Variants in FAM117A observed in about 807,000 individuals in gnomAD.
FAM117A encodes the protein protein FAM117A.
FAM117A carries 21 observed loss-of-function variants against 44.1 expected under a neutral mutation model. That is an observed-to-expected ratio of 0.48 (90% CI 0.34 to 0.69). FAM117A has a LOEUF of 0.69. FAM117A is among the 30% of genes least tolerant of loss of function. The pLI, the probability that FAM117A is intolerant of heterozygous loss-of-function variation, is 0.01. For missense variants in FAM117A, 498 were observed against 589.9 expected (o/e 0.84, Z 1.61); for synonymous variants, 220 against 238.3 (o/e 0.92, Z 0.71).
At chr17:49,770,040 G>A (rs879552297) in intron 1 of FAM117A, among the ~76,000 whole-genome samples, 1 of 152,002 alleles carries the variant, frequency 6.6e-6, no homozygotes, top group Non-Finnish European at 1.5e-5. Context: ...GGGAGGCCAA[G>A]GTGGGCAGAT....
chr17:49,757,199 C>G (rs550314851), intron 1 of FAM117A, among the ~76,000 whole-genome samples: 15 of 152,166 alleles, frequency 9.9e-5, no homozygotes, highest in African/African-American at 2.4e-4. Flanking sequence ...CCTCCACCCC[C>G]CCAGCAACTC....
Position 49,716,314 on chromosome 17 carries a change from G to A in FAM117A, c.912C>T (p.Ala304=), listed in dbSNP as rs1396483301. The change falls in exon 7 of 8, where the codon GCC becomes GCT. Residue 304 remains alanine, a splice_region_variant and synonymous_variant. Transcript: ENST00000240364. ...EELASTPNDK[A]SSPGHPAFLE... ...GAAAGGCTGGGTGTCCTGGAGAGGAGGCTGTGAACAGAGCAAGGCTAAGTC... is the reference window on the plus strand; with the variant it reads ...GAAAGGCTGGGTGTCCTGGAGAGGAAGCTGTGAACAGAGCAAGGCTAAGTC... 2 of 1,583,538 alleles carry A rather than the reference G, an allele frequency of 1.3e-6. No individual in the cohort carries two copies. Among genetic ancestry groups the A allele is most frequent in the Non-Finnish European group, 1.7e-6 (2 of 1,164,782 alleles).
In FAM117A at chr17:49,710,630, A is replaced by G. The variant is rs2073472674; in HGVS notation, c.*625T>C. 1 of 150,928 alleles carries G rather than the reference A, an allele frequency of 6.6e-6. No homozygotes were observed. Among genetic ancestry groups the G allele is most frequent in the African/African-American group, 2.4e-5 (1 of 41,054 alleles). 9.3% of individuals were successfully genotyped at this position (150,928 alleles called of 1,614,324 possible). A position where few individuals can be genotyped will look rare whatever the true frequency, so the allele number is the denominator to read the frequency against. Reference sequence around the variant, plus strand: ...AGGAATGCCAGCTCTCCTCCCCACTACCCACCTGGGGCTGGGCGGGCTGGG... The same window carrying G: ...AGGAATGCCAGCTCTCCTCCCCACTGCCCACCTGGGGCTGGGCGGGCTGGG... On this transcript the variant is annotated 3_prime_UTR_variant, in exon 8 of 8. Transcript: ENST00000240364.
chr17:49,788,704 G>A (rs1001521665), upstream of FAM117A: 15 of 981,852 alleles, frequency 1.5e-5, no homozygotes, highest in African/African-American at 6.8e-5. Context: ...GACGCTGAGA[G>A]GCAGGAGGCA....
intron 1 of FAM117A, among the ~76,000 whole-genome samples, chr17:49,739,907 C>T (rs532187157): frequency 6.6e-6 from 1 of 152,334 alleles, no homozygotes; most frequent in East Asian, 1.9e-4. Context: ...TGGTGAAGCA[C>T]CCTGGCACCA....
intron 1 of FAM117A, among the ~76,000 whole-genome samples, chr17:49,746,164 C>T (rs1225921523): frequency 1.3e-5 from 2 of 152,092 alleles, no homozygotes; most frequent in African/African-American, 4.8e-5. Flanking sequence ...TCTAGACACA[C>T]ATATACATAA....
At chr17:49,763,657 C>T (rs1403346100) in intron 1 of FAM117A, among the ~76,000 whole-genome samples, 1 of 151,962 alleles carries the variant, frequency 6.6e-6, no homozygotes, top group African/African-American at 2.4e-5. Flanking sequence ...CTGCCAGGTC[C>T]CTCCCCTCAC....
At position 49,720,782 on chromosome 17, in the gene FAM117A, C is replaced by T. The variant is rs558527048; in HGVS notation, c.463-346G>A. On this transcript the variant is annotated intron_variant, in intron 3 of 7. Transcript: ENST00000240364. ...TCACCCAGGCTGGAGTGCAATGGTG[C>T]GATCTCGGCTCACTGCAACCTCCAC... is the stretch of plus-strand genomic sequence containing the variant. Among the ~76,000 whole-genome samples the T allele has an allele frequency of 3.3e-5, 5 of 151,942 alleles. No homozygotes were observed. The South Asian group carries it at 6.2e-4, about 19-fold the overall frequency.
intron 1 of FAM117A, among the ~76,000 whole-genome samples, chr17:49,744,309 T>G (rs2073645890): frequency 6.6e-6 from 1 of 152,182 alleles, no homozygotes; most frequent in African/African-American, 2.4e-5. Flanking sequence ...ATTCAGGTTT[T>G]TGCTCTGTTG....
At chr17:49,764,391 A>C (rs2073737805), upstream of FAM117A, among the ~76,000 whole-genome samples, 1 of 152,174 alleles carries the variant, frequency 6.6e-6, no homozygotes, top group Admixed American at 6.5e-5. Context: ...CTGGTTCTCC[A>C]GCGCCACCAA....
intron 1 of FAM117A, among the ~76,000 whole-genome samples, chr17:49,779,491 G>A (rs1231640629): frequency 1.3e-5 from 2 of 152,246 alleles, no homozygotes; most frequent in East Asian, 1.9e-4. Flanking sequence ...AGGGTGGAGG[G>A]TGGGTGGAGT....
intron 1 of FAM117A, among the ~76,000 whole-genome samples, chr17:49,787,350 A>G (rs1225687985): frequency 1.3e-5 from 2 of 152,204 alleles, no homozygotes; most frequent in African/African-American, 4.8e-5. Context: ...GTTCAACCTA[A>G]GTAGGTTATC....
intron 6 of FAM117A, 75 bp downstream of exon 6, chr17:49,717,438 C>G (rs1445143972): frequency 6.8e-6 from 9 of 1,323,818 alleles, no homozygotes; most frequent in Non-Finnish European, 9.6e-6. Flanking sequence ...CCTGAATTGA[C>G]TAGAGGTGGA....
chr17:49,764,019 C>G lies in FAM117A; in HGVS notation c.69G>C (p.Gly23=). 1 of 1,191,974 alleles carries G rather than the reference C, an allele frequency of 8.4e-7. No individual in the cohort carries two copies. The highest frequency in any genetic ancestry group is 1.0e-6 in the Non-Finnish European group (1 of 954,860). 73.8% of individuals were successfully genotyped at this position (1,191,974 alleles called of 1,614,324 possible). A position where few individuals can be genotyped will look rare whatever the true frequency, so the allele number is the denominator to read the frequency against. ...AWGPGRGGAG[G]LRRGCSPPAP... ...CTGGGGGAGAGCAGCCCCGCCGGAG[C>G]CCCCCGGCCCCTCCGCGCCCCGGCC... Residue 23 remains glycine, a synonymous_variant, in exon 1 of 8, where the codon GGG becomes GGC. Transcript: ENST00000240364.
intron 1 of FAM117A, among the ~76,000 whole-genome samples, chr17:49,745,684 T>C (rs968988194): frequency 3.9e-5 from 6 of 152,186 alleles, no homozygotes; most frequent in Admixed American, 6.5e-5. Context: ...AGGAGCAAGT[T>C]AGATACCACC....
At chr17:49,765,024 A>G (rs986746588), upstream of FAM117A, among the ~76,000 whole-genome samples, 3 of 152,228 alleles carry the variant, frequency 2.0e-5, no homozygotes, top group African/African-American at 4.8e-5. Context: ...TTCCAAGATC[A>G]ATGCTCTCTG....
intron 1 of FAM117A, among the ~76,000 whole-genome samples, chr17:49,779,318 AAGG>A (rs944587239): frequency 6.6e-6 from 1 of 152,348 alleles, no homozygotes; most frequent in East Asian, 1.9e-4. Flanking sequence ...AGTTGTCTGG[AAGG>A]AGAACAGTCA....
intron 3 of FAM117A, 33 bp from the exon 4 acceptor site, chr17:49,720,469 A>T: frequency 6.3e-7 from 1 of 1,591,682 alleles, no homozygotes; most frequent in Non-Finnish European, 8.6e-7. Flanking sequence ...ACAGAGGCAG[A>T]TTAAGGAAAG....
chr17:49,755,725 G>A (rs536908331), intron 1 of FAM117A, among the ~76,000 whole-genome samples: 5 of 152,256 alleles, frequency 3.3e-5, no homozygotes, highest in South Asian at 4.1e-4. Context: ...CTAACACTTC[G>A]GGGGGTTTTG....
Sources: allele counts gnomAD v4.1 joint callset (sites outside exome capture counted in the v4.1 genomes callset), GRCh38; gene constraint gnomAD v4.1.1; transcripts MANE v1.5; gene names NCBI Gene and HGNC (gene_info 2026-07-23, HGNC 2026-07-21).